Variants in LRRC28 observed in about 807,000 individuals in gnomAD.
LRRC28 encodes leucine rich repeat containing 28.
Under a neutral mutation model 45.7 loss-of-function variants are expected in LRRC28, and 39 were observed. The observed-to-expected ratio is 0.85, with a 90% CI of 0.66 to 1.12. The LOEUF (loss-of-function observed/expected upper bound fraction) is 1.12, where lower values mean the gene tolerates loss of function less well. LRRC28 is among the 50% of genes most tolerant of loss of function. The pLI, the probability that LRRC28 is intolerant of heterozygous loss-of-function variation, is 0.00. For synonymous variants in LRRC28, 206 were observed against 178.8 expected, an observed-to-expected ratio of 1.15 and a Z score of -1.22; for missense variants, 435 against 438.5, an observed-to-expected ratio of 0.99 and a Z score of 0.07.
At chr15:99,345,929 TC>T (rs1271897431) in intron 6 of LRRC28, among the ~76,000 whole-genome samples, 1 of 152,164 alleles carries the variant, frequency 6.6e-6, no homozygotes, top group Admixed American at 6.6e-5. Context: ...AGTCCTCTTA[TC>T]CCCACAGTGT....
chr15:99,352,298 A>G (rs1004948276), intron 6 of LRRC28, 71 bp from the exon 7 acceptor site: 1 of 1,026,188 alleles, frequency 9.7e-7, no homozygotes, highest in Non-Finnish European at 1.5e-6. Flanking sequence ...AATACTATGT[A>G]TTAAATTTTA....
Position 99,386,245 on chromosome 15 carries a change from A to C in LRRC28, c.*143A>C. ...TGTCATGATTGAGCTTCAGAGCTAA[A>C]ATGCCTTCACCCTTCCCCCAAGTTG... On this transcript the variant is annotated 3_prime_UTR_variant, in exon 10 of 10. Coordinates refer to ENST00000301981, the MANE Select transcript of LRRC28 (RefSeq NM_144598.5). 3.0e-6 allele frequency: 2 copies of C among 667,000 alleles called. No homozygotes were observed. The highest frequency in any genetic ancestry group is 2.6e-6 in the Non-Finnish European group (1 of 378,680). 41.3% of individuals were successfully genotyped at this position (667,000 alleles called of 1,614,324 possible).
intron 5 of LRRC28, among the ~76,000 whole-genome samples, chr15:99,302,081 C>A (rs559269931): frequency 2.0e-5 from 3 of 150,022 alleles, no homozygotes; most frequent in Admixed American, 6.7e-5. Flanking sequence ...GGCTGGAGTG[C>A]AGAGGCGCGA....
intron 5 of LRRC28, among the ~76,000 whole-genome samples, chr15:99,319,558 C>T (rs533387577): frequency 8.6e-5 from 13 of 152,044 alleles, no homozygotes; most frequent in African/African-American, 3.1e-4. Flanking sequence ...TAGATACCAG[C>T]GAACACCTGG....
At chr15:99,327,566 A>G (rs1956026708) in intron 5 of LRRC28, among the ~76,000 whole-genome samples, 1 of 151,878 alleles carries the variant, frequency 6.6e-6, no homozygotes, top group African/African-American at 2.4e-5. Context: ...TTTTGTTCCT[A>G]GTTTTCCTAA....
chr15:99,363,503 G>A (rs1051467543), intron 9 of LRRC28: 2 of 312,258 alleles, frequency 6.4e-6, no homozygotes, highest in African/African-American at 2.2e-5. Context: ...ATTTAGAGGA[G>A]CTCATTCTTT....
chr15:99,258,364 C>T (rs1233369585), intron 2 of LRRC28: 1 of 1,246,854 alleles, frequency 8.0e-7, no homozygotes, highest in Non-Finnish European at 1.2e-6. Flanking sequence ...CGACCATTAC[C>T]CTTGTCTTAA....
At chr15:99,354,180 G>A (rs1002723383) in intron 7 of LRRC28, among the ~76,000 whole-genome samples, 1 of 152,124 alleles carries the variant, frequency 6.6e-6, no homozygotes, top group Middle Eastern at 3.2e-3. Flanking sequence ...ATCAAAACTC[G>A]AAATGCTTTC....
chr15:99,346,117 G>T (rs2152309560), intron 6 of LRRC28, among the ~76,000 whole-genome samples: 1 of 152,166 alleles, frequency 6.6e-6, no homozygotes, highest in South Asian at 2.1e-4. Flanking sequence ...GAGTAGGTGG[G>T]ACTCTAGACA....
intron 6 of LRRC28, among the ~76,000 whole-genome samples, chr15:99,336,506 G>A (rs1004645372): frequency 4.6e-5 from 7 of 152,162 alleles, no homozygotes; most frequent in Non-Finnish European, 1.0e-4. Flanking sequence ...CGTTTCCAGT[G>A]TCAAAGTTTG....
intron 5 of LRRC28, among the ~76,000 whole-genome samples, chr15:99,299,447 A>G (rs1246669865): frequency 1.3e-5 from 2 of 152,198 alleles, no homozygotes; most frequent in African/African-American, 2.4e-5. Flanking sequence ...ATATAGGTAC[A>G]CATAATATAG....
intron 9 of LRRC28, among the ~76,000 whole-genome samples, chr15:99,373,210 A>G (rs1957533254): frequency 6.6e-6 from 1 of 152,126 alleles, no homozygotes; most frequent in Non-Finnish European, 1.5e-5. Context: ...TAACATAATT[A>G]TCTTTTGCTC....
At chr15:99,378,149 A>G (rs1957701326) in intron 9 of LRRC28, among the ~76,000 whole-genome samples, 1 of 152,180 alleles carries the variant, frequency 6.6e-6, no homozygotes, top group Non-Finnish European at 1.5e-5. Context: ...GGCCATTTTC[A>G]TGATATTGAT....
chr15:99,333,722 A>T, intron 5 of LRRC28: 2 of 610,834 alleles, frequency 3.3e-6, no homozygotes, highest in Non-Finnish European at 5.7e-6. Context: ...CATTTAAGAA[A>T]TGTTGGCAGG....
chr15:99,356,859 C>G (rs1957060934), intron 7 of LRRC28, among the ~76,000 whole-genome samples: 1 of 152,128 alleles, frequency 6.6e-6, no homozygotes, highest in Non-Finnish European at 1.5e-5. Context: ...TCATCAGAAA[C>G]TTTGAAGTCC....
chr15:99,307,370 A>G (rs1428785919), intron 5 of LRRC28, among the ~76,000 whole-genome samples: 1 of 152,204 alleles, frequency 6.6e-6, no homozygotes, highest in Non-Finnish European at 1.5e-5. Context: ...ATGCCATCCA[A>G]AAGTGTGAAA....
intron 2 of LRRC28, chr15:99,258,348 G>A (rs1200095438): frequency 1.8e-5 from 25 of 1,369,272 alleles, no homozygotes; most frequent in East Asian, 6.8e-5. Flanking sequence ...ACTCTAGGAC[G>A]GGGAACGACC....
At chr15:99,291,153 T>G (rs1320438729) in intron 5 of LRRC28, among the ~76,000 whole-genome samples, 1 of 152,238 alleles carries the variant, frequency 6.6e-6, no homozygotes, top group African/African-American at 2.4e-5. Context: ...GTGAAGGGTA[T>G]ATGTTTTGTG....
intron 7 of LRRC28, among the ~76,000 whole-genome samples, chr15:99,357,742 AATTT>A (rs1373175019): frequency 1.3e-5 from 2 of 152,138 alleles, no homozygotes; most frequent in African/African-American, 4.8e-5. Flanking sequence ...AAATATCGAT[AATTT>A]ATTCAACATT....
Sources: gnomAD v4.1 joint callset for allele counts (sites outside exome capture counted in the v4.1 genomes callset) on GRCh38, gnomAD v4.1.1 for gene constraint, MANE v1.5 for transcripts, NCBI Gene and HGNC (gene_info 2026-07-23, HGNC 2026-07-21) for gene names.